Variants in ARHGAP15 observed in about 807,000 individuals in gnomAD.
ARHGAP15 encodes Rho GTPase activating protein 15.
In ARHGAP15, 51 loss-of-function variants were observed where a neutral mutation model predicts 63.7. The observed-to-expected ratio is 0.80, with a 90% confidence interval of 0.64 to 1.01. The LOEUF is 1.01. Ranked by LOEUF, ARHGAP15 falls within the 50% of genes least tolerant of loss-of-function variation. The pLI is 0.00. For missense variants in ARHGAP15, 560 were observed against 564.6 expected (o/e 0.99, Z 0.08); for synonymous variants, 191 against 193.8 (o/e 0.99, Z 0.12).
At chr2:143,305,702 A>T (rs1683136604) in intron 6 of ARHGAP15, among the ~76,000 whole-genome samples, 2 of 152,128 alleles carry the variant, frequency 1.3e-5, no homozygotes, top group African/African-American at 4.8e-5. Flanking sequence ...CAAACTTGAG[A>T]TACAATCAAT....
chr2:143,138,753 G>C (rs1012551480), intron 1 of ARHGAP15, among the ~76,000 whole-genome samples: 19 of 152,020 alleles, frequency 1.2e-4, no homozygotes, highest in African/African-American at 4.6e-4. Flanking sequence ...ACTTGAAGAA[G>C]GGCTAGTATG....
intron 13 of ARHGAP15, among the ~76,000 whole-genome samples, chr2:143,743,310 C>G (rs1377655203): frequency 1.3e-5 from 2 of 152,130 alleles, no homozygotes; most frequent in Non-Finnish European, 2.9e-5. Context: ...TTCAGTAGAA[C>G]AAGGCAAGGA....
At chr2:143,316,077 ACT>A (rs1039086253) in intron 6 of ARHGAP15, among the ~76,000 whole-genome samples, 1 of 151,968 alleles carries the variant, frequency 6.6e-6, no homozygotes, top group Non-Finnish European at 1.5e-5. Flanking sequence ...CAAGAGCGAA[ACT>A]CTGTCTCAAA....
Position 143,262,535 on chromosome 2 carries a change from ATTTTTTTTTT to A in ARHGAP15, c.474+11950_474+11959del, listed in dbSNP as rs67267617. Among the ~76,000 whole-genome samples the A allele has an allele frequency of 5.9e-3, 534 of 90,940 alleles. 25 individuals are homozygous for A. In the East Asian group the frequency reaches 0.15, roughly 25 times the overall value. The allele number at this position is 90,940 out of a possible 152,430, so 59.7% of individuals were successfully genotyped here. A position where few individuals can be genotyped will look rare whatever the true frequency, so the allele number is the denominator to read the frequency against. ...TGTATATGCGGGGTCTGAACCTTTG[ATTTTTTTTTT>A]TTTTTTTTTTTTTTACTTTGTCACG... On this transcript the variant is annotated intron_variant, in intron 6 of 13. Transcript: ENST00000295095.
chr2:143,142,610 G>A (rs957413070), intron 1 of ARHGAP15, among the ~76,000 whole-genome samples: 1 of 152,102 alleles, frequency 6.6e-6, no homozygotes, highest in African/African-American at 2.4e-5. Context: ...GGTAGGGTAT[G>A]GATCAGAATG....
At chr2:143,293,645 T>A (rs1303545358) in intron 6 of ARHGAP15, among the ~76,000 whole-genome samples, 1 of 152,038 alleles carries the variant, frequency 6.6e-6, no homozygotes, top group Non-Finnish European at 1.5e-5. Context: ...GATGCACAAT[T>A]TACTAAGCAC....
intron 8 of ARHGAP15, among the ~76,000 whole-genome samples, chr2:143,476,437 C>T (rs1691819530): frequency 6.6e-6 from 1 of 152,140 alleles, no homozygotes; most frequent in Non-Finnish European, 1.5e-5. Context: ...CAATATGTAG[C>T]ATATGCCCAA....
chr2:143,467,291 T>C (rs1691274218), intron 8 of ARHGAP15, among the ~76,000 whole-genome samples: 1 of 143,358 alleles, frequency 7.0e-6, no homozygotes, highest in Non-Finnish European at 1.5e-5. Context: ...ATTCCTGATC[T>C]ATGCAGTCTC....
chr2:143,562,510 CT>C (rs1312241594), intron 11 of ARHGAP15, among the ~76,000 whole-genome samples: 1 of 152,216 alleles, frequency 6.6e-6, no homozygotes, highest in Non-Finnish European at 1.5e-5. Context: ...GAAACAAACT[CT>C]GTTATTCGCT....
At chr2:143,201,516 T>A (rs1692116788) in intron 2 of ARHGAP15, among the ~76,000 whole-genome samples, 2 of 152,026 alleles carry the variant, frequency 1.3e-5, no homozygotes, top group Non-Finnish European at 2.9e-5. Flanking sequence ...GTGTTCTCAC[T>A]CATTTGGGGG....
chr2:143,142,497 TA>T (rs113191898), intron 1 of ARHGAP15, among the ~76,000 whole-genome samples: 2 of 151,936 alleles, frequency 1.3e-5, no homozygotes, highest in African/African-American at 2.4e-5. Context: ...AGCATTTTTT[TA>T]AAAAAAATCA....
intron 13 of ARHGAP15, among the ~76,000 whole-genome samples, chr2:143,724,175 T>C (rs1236867779): frequency 1.3e-5 from 2 of 152,080 alleles, no homozygotes; most frequent in South Asian, 2.1e-4. Flanking sequence ...AATTCGATCT[T>C]ACATTAAATC....
chr2:143,604,863 G>A (rs770994350), intron 11 of ARHGAP15, among the ~76,000 whole-genome samples: 68 of 152,126 alleles, frequency 4.5e-4, no homozygotes, highest in Non-Finnish European at 8.5e-4. Context: ...TGATAATACC[G>A]TGCATAGCAT....
chr2:143,397,980 C>A (rs1159000109), intron 6 of ARHGAP15, among the ~76,000 whole-genome samples: 4 of 151,864 alleles, frequency 2.6e-5, no homozygotes, highest in African/African-American at 7.3e-5. Context: ...TCATTAACTC[C>A]TCTCTGCCTT....
chr2:143,762,822 C>T (rs937410702), intron 13 of ARHGAP15, among the ~76,000 whole-genome samples: 5 of 151,906 alleles, frequency 3.3e-5, no homozygotes, highest in African/African-American at 1.2e-4. Context: ...TGCCATTTTT[C>T]GTGAAGCATA....
chr2:143,407,169 G>GTA (rs1454358425), intron 6 of ARHGAP15, among the ~76,000 whole-genome samples: 1 of 151,840 alleles, frequency 6.6e-6, no homozygotes, highest in Non-Finnish European at 1.5e-5. Flanking sequence ...CATTTCAGGA[G>GTA]TATACATTTG....
intron 5 of ARHGAP15, among the ~76,000 whole-genome samples, chr2:143,249,005 ATGT>A (rs1320783091): frequency 8.5e-5 from 13 of 152,194 alleles, no homozygotes; most frequent in African/African-American, 2.9e-4. Flanking sequence ...TATAAGAAGC[ATGT>A]TGTTGTTAAT....
intron 12 of ARHGAP15, among the ~76,000 whole-genome samples, chr2:143,630,988 C>G (rs1404012286): frequency 6.6e-6 from 1 of 152,118 alleles, no homozygotes; most frequent in East Asian, 1.9e-4. Flanking sequence ...CCCTTTCCAC[C>G]TGCTCTGCAC....
chr2:143,374,261 G>A (rs1156997416), intron 6 of ARHGAP15, among the ~76,000 whole-genome samples: 2 of 152,048 alleles, frequency 1.3e-5, no homozygotes, highest in East Asian at 3.9e-4. Context: ...ATTATAGGTG[G>A]ATTATGGGAT....
Sources: gnomAD v4.1 joint callset for allele counts (sites outside exome capture counted in the v4.1 genomes callset) on GRCh38, gnomAD v4.1.1 for gene constraint, MANE v1.5 for transcripts, NCBI Gene and HGNC (gene_info 2026-07-23, HGNC 2026-07-21) for gene names.